Variants in TRIO observed in about 807,000 individuals in gnomAD.
The protein encoded by TRIO is trio Rho guanine nucleotide exchange factor.
In TRIO, 58 loss-of-function variants were observed where a neutral mutation model predicts 351.9. That is an observed-to-expected ratio of 0.16 (90% CI 0.13 to 0.21). The LOEUF is 0.21. TRIO is among the 10% of genes least tolerant of loss of function. The pLI is 1.00. For missense variants in TRIO, 3,201 were observed against 4,027.8 expected (o/e 0.79, Z 5.56); for synonymous variants, 1,758 against 1,595.7 (o/e 1.10, Z -2.42).
chr5:14,436,060 C>T (rs1751563830), intron 34 of TRIO, among the ~76,000 whole-genome samples: 1 of 152,212 alleles, frequency 6.6e-6, no homozygotes, highest in African/African-American at 2.4e-5. Flanking sequence ...TCTGTTTCCC[C>T]TCCTCCATCC....
intron 1 of TRIO, among the ~76,000 whole-genome samples, chr5:14,165,263 C>T (rs190415780): frequency 1.2e-4 from 18 of 152,230 alleles, no homozygotes; most frequent in Admixed American, 7.8e-4. Flanking sequence ...GTTTTTAAAC[C>T]GACACCCTCA....
intron 7 of TRIO, among the ~76,000 whole-genome samples, chr5:14,302,767 T>C (rs1397012396): frequency 6.6e-6 from 1 of 152,238 alleles, no homozygotes; most frequent in Non-Finnish European, 1.5e-5. Context: ...GCATTTCAAA[T>C]AGTCATCCTC....
chr5:14,355,343 G>A (rs577922971), intron 11 of TRIO, among the ~76,000 whole-genome samples: 11 of 152,226 alleles, frequency 7.2e-5, no homozygotes, highest in Non-Finnish European at 1.6e-4. Flanking sequence ...GTTAATTTAA[G>A]TCCATCCTTA....
chr5:14,343,666 G>A (rs1461793752), intron 11 of TRIO, among the ~76,000 whole-genome samples: 1 of 152,058 alleles, frequency 6.6e-6, no homozygotes, highest in Admixed American at 6.6e-5. Flanking sequence ...TGTCCACTGG[G>A]GACATTCGAG....
In TRIO at chr5:14,233,782, T is replaced by A. The variant is rs1793611936; in HGVS notation, c.158-37043T>A. ...TTTTGTTTTGTTTTGGTTTTGTGTT[T>A]TTTGTTTGTGTGTTTTGTTTTTTGT... On this transcript the variant is annotated intron_variant, in intron 1 of 56. Transcript: ENST00000344204. Among the ~76,000 whole-genome samples, 3 of 152,058 alleles carry A rather than the reference T, an allele frequency of 2.0e-5. No homozygotes were observed. In the South Asian group the frequency reaches 6.2e-4, roughly 32 times the overall value.
chr5:14,308,474 A>G (rs1175596997), intron 8 of TRIO, among the ~76,000 whole-genome samples: 1 of 146,804 alleles, frequency 6.8e-6, no homozygotes, highest in Admixed American at 6.8e-5. Flanking sequence ...ATTCCATCCA[A>G]CCAATTACCC....
rs897762413 is a variant in TRIO, at chr5:14,233,013, G to A, written c.158-37812G>A. On this transcript the variant is annotated intron_variant, in intron 1 of 56. Coordinates refer to ENST00000344204, the MANE Select transcript of TRIO (RefSeq NM_007118.4). ...TTGATCAAAGCATGGTTGAGGGTGGGAAGTGCTGGGCTCATGCGAGGGTGT... is the reference window on the plus strand; with the variant it reads ...TTGATCAAAGCATGGTTGAGGGTGGAAAGTGCTGGGCTCATGCGAGGGTGT... Among the ~76,000 whole-genome samples the A allele has an allele frequency of 3.9e-5, 6 of 152,170 alleles. No homozygotes were observed. The South Asian group carries it at 1.0e-3, about 26-fold the overall frequency.
chr5:14,290,709 C>A lies in TRIO; in HGVS notation c.541-7C>A. On this transcript the variant is annotated splice_polypyrimidine_tract_variant and splice_region_variant and intron_variant, in intron 4 of 56. Coordinates refer to ENST00000344204, the MANE Select transcript of TRIO (RefSeq NM_007118.4). ...ATCTTCTCATACGTGATTTTTTTTC[C>A]CTTAAGACAAATATGGTCTCTTTAG... 1 of 1,575,070 alleles carries A rather than the reference C, an allele frequency of 6.3e-7. No individual in the cohort carries two copies. Among genetic ancestry groups the A allele is most frequent in the Non-Finnish European group, 8.6e-7 (1 of 1,161,394 alleles).
At chr5:14,463,034 G>A in intron 36 of TRIO, 109 bp downstream of exon 36, 1 of 1,353,876 alleles carries the variant, frequency 7.4e-7, no homozygotes, top group Non-Finnish European at 9.7e-7. Context: ...GCCCCAAGAT[G>A]TGGAAAAGGG....
At chr5:14,191,090 T>C (rs902115015) in intron 1 of TRIO, among the ~76,000 whole-genome samples, 4 of 152,140 alleles carry the variant, frequency 2.6e-5, no homozygotes, top group South Asian at 4.1e-4. Context: ...ACATGGGACA[T>C]GGTGGCTCGC....
rs1025544423 is a variant in TRIO at position 14,488,408 on chromosome 5, C to T, written c.7632+148C>T. The T allele has an allele frequency of 2.1e-5, 27 of 1,265,228 alleles. No individual in the cohort carries two copies. In the East Asian group the frequency reaches 3.6e-4, roughly 17 times the overall value. 78.4% of individuals were successfully genotyped at this position (1,265,228 alleles called of 1,614,324 possible). ...TCTACCTGGGACCAGGCTAACCCTC[C>T]TGCGGGCCGGCCCACGGCGCTACTA... On this transcript the variant is annotated intron_variant, in intron 48 of 56. Transcript: ENST00000344204.
intron 1 of TRIO, among the ~76,000 whole-genome samples, chr5:14,208,492 T>G (rs760213522): frequency 3.3e-5 from 5 of 152,230 alleles, no homozygotes; most frequent in Non-Finnish European, 5.9e-5. Context: ...AGTGGTTGCC[T>G]TGGGGTATGG....
chr5:14,423,921 G>A (rs2152392587), intron 34 of TRIO, among the ~76,000 whole-genome samples: 1 of 142,428 alleles, frequency 7.0e-6, no homozygotes, highest in Middle Eastern at 3.4e-3. Flanking sequence ...CAGACCCCAT[G>A]GAATTTTTTT....
At chr5:14,250,780 C>T (rs1794697967) in intron 1 of TRIO, among the ~76,000 whole-genome samples, 1 of 152,148 alleles carries the variant, frequency 6.6e-6, no homozygotes, top group South Asian at 2.1e-4. Context: ...CCATTGCATC[C>T]TGTTTGATTG....
At chr5:14,417,085 C>T (rs1217915490) in intron 33 of TRIO, among the ~76,000 whole-genome samples, 2 of 152,222 alleles carry the variant, frequency 1.3e-5, no homozygotes, top group Non-Finnish European at 2.9e-5. Context: ...CTCTAAGTCA[C>T]GGGACTAACC....
intron 42 of TRIO, 63 bp downstream of exon 42, chr5:14,479,413 A>G (rs1307990368): frequency 2.8e-6 from 4 of 1,454,186 alleles, no homozygotes; most frequent in Non-Finnish European, 3.8e-6. Context: ...ATTTCTAAAA[A>G]TGAAAGTATC....
At chr5:14,189,065 C>G (rs1428767464) in intron 1 of TRIO, among the ~76,000 whole-genome samples, 1 of 152,196 alleles carries the variant, frequency 6.6e-6, no homozygotes, top group African/African-American at 2.4e-5. Context: ...TTGAAAAACT[C>G]ATACAAATTG....
chr5:14,503,327 ATAAC>A (rs931085147), intron 54 of TRIO, among the ~76,000 whole-genome samples: 1 of 152,268 alleles, frequency 6.6e-6, no homozygotes, highest in African/African-American at 2.4e-5. Flanking sequence ...TCCTGAGGTC[ATAAC>A]TAGTCACATG....
intron 9 of TRIO, among the ~76,000 whole-genome samples, chr5:14,321,510 T>G (rs374947793): frequency 2.6e-5 from 4 of 152,352 alleles, no homozygotes; most frequent in African/African-American, 9.6e-5. Flanking sequence ...TATGTGTCTT[T>G]CCTCTCTGCA....
Sources: gnomAD v4.1 joint callset for allele counts (sites outside exome capture counted in the v4.1 genomes callset) on GRCh38, gnomAD v4.1.1 for gene constraint, MANE v1.5 for transcripts, NCBI Gene and HGNC (gene_info 2026-07-23, HGNC 2026-07-21) for gene names.